DCHS2: variants seen among roughly 807,000 people sequenced by gnomAD.
DCHS2 encodes protocadherin-23.
A neutral mutation model predicts 182.4 loss-of-function variants in DCHS2; 142 were observed. The observed-to-expected ratio is 0.78, with a 90% CI of 0.68 to 0.89. DCHS2 has a LOEUF of 0.89. Among genes scored for constraint, DCHS2 ranks in the 40% least tolerant of loss-of-function variants. The probability of loss-of-function intolerance (pLI) is 0.00; values close to 1 mark genes in which losing one functional copy is unlikely to be tolerated. For missense variants in DCHS2, 4,319 were observed against 4,198.6 expected, an observed-to-expected ratio of 1.03 and a Z score of -0.79; for synonymous variants, 1,740 against 1,663.3, an observed-to-expected ratio of 1.05 and a Z score of -1.12.
chr4:154,331,454 G>A (rs1736520822), intron 5 of DCHS2: 1 of 1,004,518 alleles, frequency 1.0e-6, no homozygotes, highest in East Asian at 2.7e-5. Flanking sequence ...ATCCCATATA[G>A]CTGTATGGTT....
intron 6 of DCHS2, among the ~76,000 whole-genome samples, 168 bp downstream of exon 6, chr4:154,329,355 A>T (rs770920519): frequency 1.4e-4 from 22 of 152,230 alleles, no homozygotes; most frequent in Non-Finnish European, 2.6e-4. Flanking sequence ...TTTACTTTTT[A>T]AAAATTTTCT....
At chr4:154,420,302 T>C (rs921156773) in intron 1 of DCHS2, among the ~76,000 whole-genome samples, 6 of 152,068 alleles carry the variant, frequency 3.9e-5, no homozygotes, top group Non-Finnish European at 7.3e-5. Context: ...GATAGATAGA[T>C]ACGTACGTAC....
chr4:154,411,827 CT>C (rs1190796883), intron 1 of DCHS2, among the ~76,000 whole-genome samples: 1 of 152,076 alleles, frequency 6.6e-6, no homozygotes. Flanking sequence ...TAACATCATG[CT>C]GTACACCTTA....
intron 3 of DCHS2, among the ~76,000 whole-genome samples, chr4:154,360,504 A>G (rs980710060): frequency 6.6e-6 from 1 of 152,146 alleles, no homozygotes; most frequent in Non-Finnish European, 1.5e-5. Context: ...CTTGCAAATA[A>G]GAGAAAGTCA....
At chr4:154,280,519 T>C (rs1435209944) in intron 13 of DCHS2, among the ~76,000 whole-genome samples, 1 of 152,140 alleles carries the variant, frequency 6.6e-6, no homozygotes. Context: ...AAAAGGATTA[T>C]ATACCATGAC....
At chr4:154,487,087 A>G (rs1156503984) in intron 1 of DCHS2, among the ~76,000 whole-genome samples, 5 of 152,240 alleles carry the variant, frequency 3.3e-5, no homozygotes, top group Non-Finnish European at 5.9e-5. Flanking sequence ...CAAAAAAATC[A>G]TAATTAATCC....
chr4:154,393,896 A>C (rs1196542173), intron 1 of DCHS2, among the ~76,000 whole-genome samples: 1 of 152,222 alleles, frequency 6.6e-6, no homozygotes, highest in East Asian at 1.9e-4. Context: ...AAGTAATAAT[A>C]TTTATGTATA....
intron 13 of DCHS2, among the ~76,000 whole-genome samples, chr4:154,278,430 C>T (rs1733968396): frequency 6.6e-6 from 1 of 151,642 alleles, no homozygotes; most frequent in Non-Finnish European, 1.5e-5. Context: ...AAGAGGGAAA[C>T]AAAGGAAAAT....
rs1733180013 is a variant in DCHS2 at position 154,265,125 on chromosome 4, ATGTC to A, written c.6577+4771_6577+4774del. Among the ~76,000 whole-genome samples the A allele has an allele frequency of 2.0e-5, 3 of 152,328 alleles. No homozygotes were observed. The South Asian group carries it at 6.2e-4, about 32-fold the overall frequency. On this transcript the variant is annotated intron_variant, in intron 14 of 19. Transcript: ENST00000357232. ...TTTTATGTGTCAAATATACAGAAAAATGTCAGTCTCTAGTTTGCAAATTTGCCAG... is the reference window on the plus strand; with the variant it reads ...TTTTATGTGTCAAATATACAGAAAAAAGTCTCTAGTTTGCAAATTTGCCAG...
At chr4:154,381,065 T>C (rs1443771395) in intron 1 of DCHS2, among the ~76,000 whole-genome samples, 2 of 152,116 alleles carry the variant, frequency 1.3e-5, no homozygotes, top group African/African-American at 4.8e-5. Context: ...AACTCCATTA[T>C]CGCAATCTTA....
chr4:154,331,581 A>G (rs1317070629), intron 5 of DCHS2: 1 of 1,607,824 alleles, frequency 6.2e-7, no homozygotes, highest in Admixed American at 1.7e-5. Context: ...GTGAAAGGTC[A>G]CCTTCTCCTA....
intron 3 of DCHS2, among the ~76,000 whole-genome samples, chr4:154,346,655 C>A (rs548731211): frequency 6.6e-6 from 1 of 151,908 alleles, no homozygotes; most frequent in South Asian, 2.1e-4. Flanking sequence ...ATTCCTGGAA[C>A]CCTGAAAAGT....
At chr4:154,307,208 C>T (rs1303346993) in intron 10 of DCHS2, among the ~76,000 whole-genome samples, 1 of 152,118 alleles carries the variant, frequency 6.6e-6, no homozygotes, top group African/African-American at 2.4e-5. Context: ...ACAGAACAAA[C>T]ATAGCATCAT....
At chr4:154,425,017 A>G (rs1239433341) in intron 1 of DCHS2, among the ~76,000 whole-genome samples, 1 of 152,242 alleles carries the variant, frequency 6.6e-6, no homozygotes, top group African/African-American at 2.4e-5. Flanking sequence ...ACTGCACTGC[A>G]GAAAGCAGAT....
chr4:154,346,164 G>T (rs1423080065), intron 3 of DCHS2, among the ~76,000 whole-genome samples: 3 of 152,162 alleles, frequency 2.0e-5, no homozygotes, highest in Non-Finnish European at 4.4e-5. Flanking sequence ...TCCCATTAGG[G>T]GTGAGGGTTT....
In DCHS2 at chr4:154,303,622, A is replaced by G. The variant is rs980394116; in HGVS notation, c.5605+1047T>C. Among the ~76,000 whole-genome samples the G allele has an allele frequency of 2.0e-5, 3 of 152,132 alleles. No homozygotes were observed. In the East Asian group the frequency reaches 5.8e-4, roughly 29 times the overall value. On this transcript the variant is annotated intron_variant, in intron 12 of 19. Transcript: ENST00000357232. ...CTGATAATGCAATGCTGTTGGATAT[A>G]AAGACTGGGTCCTTGGGGCTGTTAG...
At position 154,332,937 on chromosome 4, in the gene DCHS2, C is replaced by T. The variant is rs572981878; in HGVS notation, c.3271G>A (p.Val1091Met). Residue 1091 changes from valine (V) to methionine (M), a missense_variant, in exon 5 of 20, where the codon GTG becomes ATG. Physicochemically the swap from Val to Met is conservative, Grantham distance 21. Transcript: ENST00000357232. ...GGTGAGAGAGACTCACTGACTTCCA[C>T]TTGATAGACCAAATGTTCGAAAGTC... ...SWTFEHLVYQ[V>M]EVSESLSPMT... is the part of the protein sequence containing the mutation. 40 of 1,614,218 alleles carry T rather than the reference C, an allele frequency of 2.5e-5. 1 individual carries two copies. The South Asian group carries it at 3.8e-4, about 16-fold the overall frequency.
rs902180386 is a variant in DCHS2, at chr4:154,240,780, A to G, written c.7116T>C (p.Asp2372=). The G allele has an allele frequency of 6.2e-7, 1 of 1,613,908 alleles. No individual in the cohort carries two copies. Among genetic ancestry groups the G allele is most frequent in the Admixed American group, 1.7e-5 (1 of 59,990 alleles). ...GVIVTHVSVH[D]VDLNSAFIFS... is the part of the protein sequence containing the mutation. ...ATATGAAAGCTGAATTCAAATCCAC[A>G]TCATGAACTGACACATGAGTCACAA... is the stretch of plus-strand genomic sequence containing the variant. Residue 2372 remains aspartate (D), a synonymous_variant, in exon 18 of 20, where the codon GAT becomes GAC. Coordinates refer to ENST00000357232, the MANE Select transcript of DCHS2 (RefSeq NM_001358235.2).
chr4:154,389,516 T>TATATATATATATATATATATATATATA (rs1731575119), intron 1 of DCHS2, among the ~76,000 whole-genome samples: 10 of 111,132 alleles, frequency 9.0e-5, no homozygotes, highest in Admixed American at 2.6e-4. Flanking sequence ...AAGACAAAGG[T>TATATATATATATATATATATATATATA]TATATATATA....
Sources: allele counts gnomAD v4.1 joint callset (sites outside exome capture counted in the v4.1 genomes callset), GRCh38; gene constraint gnomAD v4.1.1; transcripts MANE v1.5; gene names NCBI Gene and HGNC (gene_info 2026-07-23, HGNC 2026-07-21).